TMEM178B: variants seen among roughly 807,000 people sequenced by gnomAD.
TMEM178B encodes transmembrane protein 178B.
In TMEM178B, 5 loss-of-function variants were observed where a neutral mutation model predicts 31.0. That is an observed-to-expected ratio of 0.16 (90% CI 0.08 to 0.34). TMEM178B has a LOEUF of 0.34. Among genes scored for constraint, TMEM178B ranks in the 10% least tolerant of loss-of-function variants. The probability of loss-of-function intolerance (pLI) is 1.00; values close to 1 mark genes in which losing one functional copy is unlikely to be tolerated. For missense variants in TMEM178B, 275 were observed against 400.3 expected (o/e 0.69, Z 2.67); for synonymous variants, 164 against 164.0 (o/e 1.00, Z 0.00).
intron 1 of TMEM178B, among the ~76,000 whole-genome samples, chr7:141,097,577 C>A (rs990283369): frequency 6.6e-6 from 1 of 151,896 alleles, no homozygotes; most frequent in African/African-American, 2.4e-5. Context: ...GAGAATCAGT[C>A]CACCTTGACC....
chr7:141,208,275 G>A (rs1053373454), intron 1 of TMEM178B, among the ~76,000 whole-genome samples: 3 of 152,160 alleles, frequency 2.0e-5, no homozygotes, highest in Admixed American at 1.3e-4. Flanking sequence ...CAACCAGCCA[G>A]TCCTCCCCCA....
intron 2 of TMEM178B, among the ~76,000 whole-genome samples, chr7:141,391,780 G>A (rs899618349): frequency 5.9e-5 from 9 of 151,856 alleles, no homozygotes; most frequent in Non-Finnish European, 1.3e-4. Context: ...ACGGAATCAC[G>A]CCTGTTATTT....
At chr7:141,485,822 G>A in the TMEM178B span, among the ~76,000 whole-genome samples, 1 of 152,222 alleles carries the variant, frequency 6.6e-6, no homozygotes, top group Non-Finnish European at 1.5e-5. Flanking sequence ...CCCCTACGGT[G>A]ATAATATCCA....
intron 2 of TMEM178B, among the ~76,000 whole-genome samples, chr7:141,349,477 C>T (rs572678827): frequency 1.2e-4 from 19 of 152,222 alleles, no homozygotes; most frequent in African/African-American, 4.6e-4. Flanking sequence ...ATTCAACATG[C>T]GTATTTTGAA....
chr7:141,264,374 T>A (rs1798061551), intron 2 of TMEM178B, among the ~76,000 whole-genome samples: 1 of 152,240 alleles, frequency 6.6e-6, no homozygotes, highest in Non-Finnish European at 1.5e-5. Context: ...TTTGTTTGCC[T>A]GTATCTTCTT....
intron 2 of TMEM178B, among the ~76,000 whole-genome samples, chr7:141,316,253 A>G (rs1253483450): frequency 6.6e-6 from 1 of 152,190 alleles, no homozygotes; most frequent in Non-Finnish European, 1.5e-5. Context: ...TGGCAAATTC[A>G]GAAGCTTGAT....
intron 1 of TMEM178B, among the ~76,000 whole-genome samples, chr7:141,082,376 C>G (rs1794700610): frequency 6.6e-6 from 1 of 152,210 alleles, no homozygotes; most frequent in Admixed American, 6.5e-5. Context: ...GTCTAAAACA[C>G]ACTTGGGGTC....
At chr7:141,089,494 G>GAAATA (rs532145872) in intron 1 of TMEM178B, among the ~76,000 whole-genome samples, 1,700 of 152,340 alleles carry the variant, frequency 0.011, 44 homozygotes, top group African/African-American at 0.039. Flanking sequence ...ATTTGAGCCA[G>GAAATA]CCATCCCATT....
intron 2 of TMEM178B, among the ~76,000 whole-genome samples, chr7:141,406,439 T>G (rs1319879115): frequency 6.6e-6 from 1 of 152,250 alleles, no homozygotes; most frequent in African/African-American, 2.4e-5. Context: ...CTCCCTTCAC[T>G]GCCCATAAAT....
chr7:141,229,007 T>A (rs1797390921), intron 2 of TMEM178B, among the ~76,000 whole-genome samples: 1 of 133,970 alleles, frequency 7.5e-6, no homozygotes, highest in African/African-American at 2.8e-5. Context: ...TTAGAGTCAG[T>A]ACTATCTTTT....
intron 1 of TMEM178B, among the ~76,000 whole-genome samples, chr7:141,131,573 T>C (rs1795595823): frequency 6.6e-6 from 1 of 152,240 alleles, no homozygotes; most frequent in African/African-American, 2.4e-5. Context: ...ATACACTACA[T>C]GCTCTTTGTC....
the TMEM178B span, among the ~76,000 whole-genome samples, chr7:141,508,869 C>A: frequency 1.3e-5 from 2 of 152,188 alleles, no homozygotes; most frequent in African/African-American, 4.8e-5. Flanking sequence ...TTGGTGGGGA[C>A]ACAGCCAAAC....
At chr7:141,386,530 T>C (rs1419813645) in intron 2 of TMEM178B, among the ~76,000 whole-genome samples, 2 of 152,222 alleles carry the variant, frequency 1.3e-5, no homozygotes, top group Non-Finnish European at 2.9e-5. Context: ...AATTTGATGT[T>C]TTGATACATA....
chr7:141,202,735 G>T (rs1001714830), intron 1 of TMEM178B, among the ~76,000 whole-genome samples: 2 of 152,190 alleles, frequency 1.3e-5, no homozygotes, highest in Non-Finnish European at 2.9e-5. Flanking sequence ...GAGAAGACGT[G>T]GGGGAGGTGG....
intron 2 of TMEM178B, among the ~76,000 whole-genome samples, chr7:141,337,134 CCACCACCATCAT>C (rs1799425840): frequency 1.9e-5 from 1 of 53,184 alleles, no homozygotes; most frequent in Non-Finnish European, 3.3e-5. Context: ...ACCATCACCA[CCACCACCATCAT>C]CACCACCACC....
chr7:141,105,708 G>A (rs1394616784), intron 1 of TMEM178B, among the ~76,000 whole-genome samples: 2 of 152,194 alleles, frequency 1.3e-5, no homozygotes, highest in African/African-American at 4.8e-5. Flanking sequence ...CTAGAACAAA[G>A]TGTTTGGTCA....
chr7:141,383,612 A>C (rs976970730), intron 2 of TMEM178B, among the ~76,000 whole-genome samples: 29 of 152,188 alleles, frequency 1.9e-4, no homozygotes, highest in East Asian at 1.5e-3. Context: ...TTAATCCAGT[A>C]TATCATTGAT....
rs913484385 is a variant in TMEM178B at position 141,301,508 on chromosome 7, A to T, written c.496+88804A>T. Reference sequence around the variant, plus strand: ...AGATAATGAGTAATCAAAACCAGCAACATGTTCTCTTTTTGTTCAGGTGCA... The same window carrying T: ...AGATAATGAGTAATCAAAACCAGCATCATGTTCTCTTTTTGTTCAGGTGCA... On this transcript the variant is annotated intron_variant, in intron 2 of 3. Transcript: ENST00000565468. Among the ~76,000 whole-genome samples, 3 of 152,170 alleles carry T rather than the reference A, an allele frequency of 2.0e-5. 1 individual carries two copies. The highest frequency in any genetic ancestry group is 4.4e-5 in the Non-Finnish European group (3 of 68,032).
chr7:141,403,476 A>G (rs141252185), intron 2 of TMEM178B, among the ~76,000 whole-genome samples: 68 of 152,306 alleles, frequency 4.5e-4, no homozygotes, highest in Non-Finnish European at 9.1e-4. Context: ...CTCAGCCCCT[A>G]CAGGGAGAGA....
Sources: gnomAD v4.1 joint callset for allele counts (sites outside exome capture counted in the v4.1 genomes callset) on GRCh38, gnomAD v4.1.1 for gene constraint, MANE v1.5 for transcripts, NCBI Gene and HGNC (gene_info 2026-07-23, HGNC 2026-07-21) for gene names.